The following TENM1 variants were observed in gnomAD, a reference collection of about 807,000 sequenced individuals.
The protein encoded by TENM1 is teneurin-1.
In TENM1, 35 loss-of-function variants were observed where a neutral mutation model predicts 174.8. That is an observed-to-expected ratio of 0.20 (90% CI 0.15 to 0.27). The LOEUF is 0.27. Among genes scored for constraint, TENM1 ranks in the 10% least tolerant of loss-of-function variants. TENM1 has a pLI of 1.00. For missense variants in TENM1, 1,633 were observed against 2,130.1 expected (o/e 0.77, Z 4.59); for synonymous variants, 781 against 798.7 (o/e 0.98, Z 0.37).
At chrX:124,773,305 T>C (rs1603178771) in intron 3 of TENM1, among the ~76,000 whole-genome samples, 1 of 110,051 alleles carries the variant, frequency 9.1e-6, no homozygotes. Context: ...GGTGTGTGGA[T>C]GGCAAGTGAA....
chrX:124,601,288 G>A (rs1451256404), intron 11 of TENM1, among the ~76,000 whole-genome samples: 2 of 111,412 alleles, frequency 1.8e-5, no homozygotes, highest in Non-Finnish European at 3.8e-5. Context: ...CTCTTGAGAA[G>A]GATCTAGTAG....
In TENM1 at chrX:124,562,070, T is replaced by C. The variant is rs761832208; in HGVS notation, c.2288-253A>G. On this transcript the variant is annotated intron_variant, in intron 13 of 31. Coordinates refer to ENST00000422452, the Ensembl canonical transcript of TENM1. Reference sequence around the variant, plus strand: ...ACCCCAATTCCCAACCCCTGGTTCATATAGGAAGAAAACTATGGCAGGGGC... The same window carrying C: ...ACCCCAATTCCCAACCCCTGGTTCACATAGGAAGAAAACTATGGCAGGGGC... Among the ~76,000 whole-genome samples, 4 of 112,261 alleles carry C rather than the reference T, an allele frequency of 3.6e-5. No homozygotes were observed. The South Asian group carries it at 1.5e-3, about 42-fold the overall frequency.
chrX:124,518,348 C>A (rs1167963882), intron 18 of TENM1, among the ~76,000 whole-genome samples: 1 of 107,073 alleles, frequency 9.3e-6, no homozygotes, highest in Non-Finnish European at 1.9e-5. Flanking sequence ...TGGAAGCCAG[C>A]CTCTCAGAGC....
chrX:124,680,705 T>C (rs1218300030), intron 5 of TENM1, among the ~76,000 whole-genome samples: 2 of 111,926 alleles, frequency 1.8e-5, no homozygotes, highest in Admixed American at 1.9e-4. Flanking sequence ...AGCAAAAATA[T>C]AAATTTAGAC....
chrX:124,792,794 TA>T (rs2055208634), intron 3 of TENM1, among the ~76,000 whole-genome samples: 2 of 112,553 alleles, frequency 1.8e-5, no homozygotes, highest in Non-Finnish European at 3.8e-5. Context: ...ATTTCGAAGT[TA>T]AAAAATAACT....
chrX:125,047,501 G>A, the TENM1 span, among the ~76,000 whole-genome samples: 1 of 111,368 alleles, frequency 9.0e-6, no homozygotes, highest in Non-Finnish European at 1.9e-5. Context: ...CAGGTTAAGT[G>A]AGAACGCATT....
chrX:124,474,122 T>C (rs970286697), intron 22 of TENM1, among the ~76,000 whole-genome samples: 5 of 111,572 alleles, frequency 4.5e-5, no homozygotes, highest in African/African-American at 9.8e-5. Context: ...AAGTAACTTA[T>C]TACATATATG....
chrX:124,689,953 G>A (rs1401991243), intron 5 of TENM1, among the ~76,000 whole-genome samples: 1 of 110,740 alleles, frequency 9.0e-6, no homozygotes, highest in Non-Finnish European at 1.9e-5. Context: ...GTTGACCATG[G>A]GTAACTGAAA....
At chrX:124,651,535 A>G (rs1473474066) in intron 8 of TENM1, among the ~76,000 whole-genome samples, 1 of 111,973 alleles carries the variant, frequency 8.9e-6, no homozygotes, top group Non-Finnish European at 1.9e-5. Flanking sequence ...TCTATTTGAA[A>G]AAGGTATTCA....
intron 11 of TENM1, among the ~76,000 whole-genome samples, chrX:124,605,867 CTTG>C (rs779419127): frequency 2.7e-5 from 3 of 111,723 alleles, no homozygotes; most frequent in Non-Finnish European, 5.7e-5. Context: ...TTCTTCTCAT[CTTG>C]TTATTTTTGC....
intron 3 of TENM1, among the ~76,000 whole-genome samples, chrX:124,759,536 A>G (rs765575383): frequency 9.0e-6 from 1 of 111,037 alleles, no homozygotes; most frequent in Admixed American, 9.6e-5. Context: ...ATCCTCATAG[A>G]TTAGCTCCCA....
chrX:124,931,877 A>G (rs925664108), intron 1 of TENM1, among the ~76,000 whole-genome samples: 2 of 109,671 alleles, frequency 1.8e-5, no homozygotes, highest in African/African-American at 3.3e-5. Flanking sequence ...GCACGCACAC[A>G]CACACACACA....
chrX:124,510,960 G>A (rs2047570289), intron 18 of TENM1, among the ~76,000 whole-genome samples: 1 of 112,328 alleles, frequency 8.9e-6, no homozygotes, highest in Non-Finnish European at 1.9e-5. Context: ...ACTAATGGGT[G>A]TGACCAGCAG....
At chrX:124,963,580 A>G in exon 1 of TENM1, 1 of 1,211,726 alleles carries the variant, frequency 8.3e-7, no homozygotes, top group Non-Finnish European at 1.1e-6. Context: ...TACTCTGGCT[A>G]TTGTAATTCA....
the TENM1 span, among the ~76,000 whole-genome samples, chrX:125,017,859 G>A: frequency 9.0e-6 from 1 of 110,873 alleles, no homozygotes; most frequent in Non-Finnish European, 1.9e-5. Context: ...TCACACACCG[G>A]AGCCTATCAG....
chrX:124,668,545 T>C (rs1300045517), intron 6 of TENM1, among the ~76,000 whole-genome samples: 1 of 111,787 alleles, frequency 8.9e-6, no homozygotes, highest in East Asian at 2.8e-4. Flanking sequence ...TCATGTCCTT[T>C]GTAGGGACAT....
chrX:125,193,693 C>T, the TENM1 span, among the ~76,000 whole-genome samples: 1 of 111,527 alleles, frequency 9.0e-6, no homozygotes, highest in Non-Finnish European at 1.9e-5. Flanking sequence ...TGTATATACT[C>T]TCTAGCTAAG....
intron 15 of TENM1, among the ~76,000 whole-genome samples, chrX:124,531,900 G>C (rs1483936277): frequency 8.9e-6 from 1 of 112,372 alleles, no homozygotes; most frequent in Non-Finnish European, 1.9e-5. Flanking sequence ...TAACCTTTTA[G>C]ATGTCTTTAC....
intron 24 of TENM1, among the ~76,000 whole-genome samples, chrX:124,421,663 G>A (rs1452986926): frequency 9.2e-6 from 1 of 108,186 alleles, no homozygotes; most frequent in African/African-American, 3.4e-5. Flanking sequence ...TTCACTATGG[G>A]TTATTGAGAA....
Sources: allele counts gnomAD v4.1 joint callset (sites outside exome capture counted in the v4.1 genomes callset), GRCh38; gene constraint gnomAD v4.1.1; transcripts MANE v1.5; gene names NCBI Gene and HGNC (gene_info 2026-07-23, HGNC 2026-07-21).